CPA6: variants seen among roughly 807,000 people sequenced by gnomAD.
The protein encoded by CPA6 is carboxypeptidase B.
A neutral mutation model predicts 63.3 loss-of-function variants in CPA6; 58 were observed. The observed-to-expected ratio is 0.92, with a 90% CI of 0.74 to 1.14. The LOEUF (loss-of-function observed/expected upper bound fraction) is 1.14. Ranked by LOEUF, CPA6 falls within the 50% of genes most tolerant of loss-of-function variation. CPA6 has a pLI of 0.00. For synonymous variants in CPA6, 185 were observed against 179.0 expected (o/e 1.03, Z -0.27); for missense variants, 565 against 526.6 (o/e 1.07, Z -0.71).
At chr8:67,445,941 A>G (rs1243934520) in intron 8 of CPA6, among the ~76,000 whole-genome samples, 1 of 152,244 alleles carries the variant, frequency 6.6e-6, no homozygotes, top group Non-Finnish European at 1.5e-5. Flanking sequence ...GTTAAAAACA[A>G]AGGAAAAAGA....
intron 8 of CPA6, among the ~76,000 whole-genome samples, chr8:67,475,355 G>A (rs1447510000): frequency 6.6e-6 from 1 of 152,206 alleles, no homozygotes; most frequent in African/African-American, 2.4e-5. Flanking sequence ...TAAAATGATA[G>A]CTGGGTTTTC....
At chr8:67,635,730 G>T (rs990559393) in intron 1 of CPA6, among the ~76,000 whole-genome samples, 1 of 151,632 alleles carries the variant, frequency 6.6e-6, no homozygotes, top group African/African-American at 2.4e-5. Context: ...TCATGCCACT[G>T]CACTCCAGCC....
chr8:67,674,928 A>G (rs182791672), intron 1 of CPA6, among the ~76,000 whole-genome samples: 19 of 152,296 alleles, frequency 1.2e-4, no homozygotes, highest in African/African-American at 4.3e-4. Context: ...AGAACAGAAA[A>G]CCAAATACCA....
chr8:67,674,516 A>G (rs919604103), intron 1 of CPA6, among the ~76,000 whole-genome samples: 2 of 152,206 alleles, frequency 1.3e-5, no homozygotes, highest in East Asian at 3.8e-4. Context: ...TAAATTTCCC[A>G]AACAACAGAT....
In CPA6 at chr8:67,514,134, T is replaced by C. The variant is rs777343197; in HGVS notation, c.318-2479A>G. Among the ~76,000 whole-genome samples, 10 of 152,150 alleles carry C rather than the reference T, an allele frequency of 6.6e-5. No homozygotes were observed. The South Asian group carries it at 1.5e-3, about 22-fold the overall frequency. ...CAACATGCCTGGCTAATTTTTGTAT[T>C]TTTAGTAGAGACCGGGTTTCACCAT... On this transcript the variant is annotated intron_variant, in intron 3 of 10. Coordinates refer to ENST00000297770, the MANE Select transcript of CPA6 (RefSeq NM_020361.5).
chr8:67,524,645 T>G (rs1587521583), intron 2 of CPA6, among the ~76,000 whole-genome samples: 1 of 151,330 alleles, frequency 6.6e-6, no homozygotes, highest in East Asian at 1.9e-4. Flanking sequence ...CAGGTCACAT[T>G]CACAGGTCTT....
intron 8 of CPA6, among the ~76,000 whole-genome samples, chr8:67,475,777 CTTTCTTTCTTTCTTTCTTTCTTTCTTT>C (rs1563967238): frequency 0.019 from 1,079 of 58,062 alleles, 19 homozygotes; most frequent in Admixed American, 0.029. Context: ...CTCTTTCTTT[CTTTCTTTCTTTCTTTCTTTCTTTCTTT>C]CTTTCTTTCT....
chr8:67,675,420 C>T (rs887040185), intron 1 of CPA6, among the ~76,000 whole-genome samples: 2 of 152,122 alleles, frequency 1.3e-5, no homozygotes, highest in Non-Finnish European at 2.9e-5. Flanking sequence ...CCTTTTTACT[C>T]ATCCCACAAT....
chr8:67,676,197 T>C (rs1339999331), intron 1 of CPA6, among the ~76,000 whole-genome samples: 1 of 152,152 alleles, frequency 6.6e-6, no homozygotes, highest in East Asian at 1.9e-4. Context: ...TGGAAGAAGA[T>C]TTATTATTTT....
intron 1 of CPA6, among the ~76,000 whole-genome samples, chr8:67,635,520 C>T (rs923910158): frequency 1.3e-5 from 2 of 151,722 alleles, no homozygotes; most frequent in Non-Finnish European, 2.9e-5. Context: ...GTAATCCCAG[C>T]ACTTTGGGAA....
chr8:67,568,619 C>T (rs1813402815), intron 2 of CPA6, among the ~76,000 whole-genome samples: 1 of 151,770 alleles, frequency 6.6e-6, no homozygotes, highest in African/African-American at 2.4e-5. Flanking sequence ...ATCAGGGAAG[C>T]AAAAAGAAAC....
chr8:67,471,975 C>G (rs1410153621), intron 8 of CPA6, among the ~76,000 whole-genome samples: 1 of 152,084 alleles, frequency 6.6e-6, no homozygotes, highest in African/African-American at 2.4e-5. Flanking sequence ...TAAAAAATAG[C>G]ATGACTTCTC....
At chr8:67,459,230 G>T (rs1304401332) in intron 8 of CPA6, among the ~76,000 whole-genome samples, 1 of 152,118 alleles carries the variant, frequency 6.6e-6, no homozygotes, top group Non-Finnish European at 1.5e-5. Flanking sequence ...TTGCCACATT[G>T]TTCAGGCTGG....
chr8:67,527,140 C>T (rs946781496), intron 2 of CPA6, among the ~76,000 whole-genome samples: 8 of 152,196 alleles, frequency 5.3e-5, no homozygotes, highest in Non-Finnish European at 1.0e-4. Context: ...TTTTCCTCTA[C>T]TGTCTTTTGA....
chr8:67,564,246 C>T (rs1353204973), intron 2 of CPA6, among the ~76,000 whole-genome samples: 2 of 152,078 alleles, frequency 1.3e-5, no homozygotes, highest in Non-Finnish European at 2.9e-5. Context: ...TAAAGTTTGC[C>T]ATTTCCTGGA....
intron 2 of CPA6, among the ~76,000 whole-genome samples, chr8:67,571,436 T>C (rs564817811): frequency 6.6e-6 from 1 of 152,282 alleles, no homozygotes; most frequent in African/African-American, 2.4e-5. Flanking sequence ...TTCTCTAGGG[T>C]AGATCATTTG....
chr8:67,477,141 A>T (rs1484259722), intron 8 of CPA6, among the ~76,000 whole-genome samples: 2 of 152,004 alleles, frequency 1.3e-5, no homozygotes, highest in Admixed American at 6.6e-5. Context: ...ATACAAAAAA[A>T]TTAGTTGGGA....
chr8:67,598,295 TG>T (rs1814400853), intron 2 of CPA6, among the ~76,000 whole-genome samples: 1 of 152,250 alleles, frequency 6.6e-6, no homozygotes, highest in African/African-American at 2.4e-5. Flanking sequence ...CTTATTACCT[TG>T]CTTGCTTTTT....
At chr8:67,562,596 G>A (rs1173810428) in intron 2 of CPA6, among the ~76,000 whole-genome samples, 1 of 152,176 alleles carries the variant, frequency 6.6e-6, no homozygotes, top group Non-Finnish European at 1.5e-5. Context: ...GATGGTATTA[G>A]GAGGTGAGGC....
Sources: gnomAD v4.1 joint callset for allele counts (sites outside exome capture counted in the v4.1 genomes callset) on GRCh38, gnomAD v4.1.1 for gene constraint, MANE v1.5 for transcripts, NCBI Gene and HGNC (gene_info 2026-07-23, HGNC 2026-07-21) for gene names.